Variants in NCKAP5 observed in about 807,000 individuals in gnomAD.
The protein encoded by NCKAP5 is nck-associated protein 5.
Under a neutral mutation model 167.0 loss-of-function variants are expected in NCKAP5, and 92 were observed. The ratio of observed to expected loss-of-function variants is 0.55; its 90% CI spans 0.47 to 0.66. The LOEUF is 0.66. NCKAP5 is among the 30% of genes least tolerant of loss of function. The pLI, the probability that NCKAP5 is intolerant of heterozygous loss-of-function variation, is 0.00. For missense variants in NCKAP5, 2,378 were observed against 2,315.0 expected (o/e 1.03, Z -0.56); for synonymous variants, 891 against 877.4 (o/e 1.02, Z -0.27).
intron 6 of NCKAP5, among the ~76,000 whole-genome samples, chr2:133,005,002 T>C (rs1573709305): frequency 6.6e-6 from 1 of 152,332 alleles, no homozygotes; most frequent in Non-Finnish European, 1.5e-5. Context: ...TCAGACCTTA[T>C]GGTTATCTCC....
chr2:133,207,925 A>C (rs1226604501), intron 5 of NCKAP5, among the ~76,000 whole-genome samples: 1 of 152,220 alleles, frequency 6.6e-6, no homozygotes, highest in East Asian at 1.9e-4. Context: ...TGCGCTACAC[A>C]TAGTGACTTC....
At chr2:132,684,388 G>C (rs571709299) in intron 19 of NCKAP5, among the ~76,000 whole-genome samples, 1 of 152,338 alleles carries the variant, frequency 6.6e-6, no homozygotes, top group African/African-American at 2.4e-5. Flanking sequence ...AAACCCTTCT[G>C]TCAGGCAAGA....
intron 17 of NCKAP5, among the ~76,000 whole-genome samples, chr2:132,729,966 G>T (rs1426031320): frequency 2.0e-5 from 3 of 152,106 alleles, no homozygotes; most frequent in Non-Finnish European, 4.4e-5. Flanking sequence ...TCAAAAAGGA[G>T]CTATAATCTC....
At chr2:133,552,967 A>G (rs1186566461) in intron 2 of NCKAP5, among the ~76,000 whole-genome samples, 2 of 152,166 alleles carry the variant, frequency 1.3e-5, no homozygotes, top group Non-Finnish European at 2.9e-5. Flanking sequence ...CAAGTTTTAA[A>G]AAGTTTTACT....
At chr2:133,209,862 T>C (rs2086127272) in intron 5 of NCKAP5, among the ~76,000 whole-genome samples, 1 of 152,060 alleles carries the variant, frequency 6.6e-6, no homozygotes, top group African/African-American at 2.4e-5. Flanking sequence ...AATTAAAAGC[T>C]TATTAAAAAA....
intron 17 of NCKAP5, among the ~76,000 whole-genome samples, chr2:132,731,349 A>G (rs1487074622): frequency 6.6e-6 from 1 of 152,254 alleles, no homozygotes; most frequent in Non-Finnish European, 1.5e-5. Flanking sequence ...AGAATACACC[A>G]GAACACGTAT....
chr2:133,416,136 A>G (rs1046676819), intron 3 of NCKAP5, among the ~76,000 whole-genome samples: 1 of 152,230 alleles, frequency 6.6e-6, no homozygotes, highest in African/African-American at 2.4e-5. Context: ...CTTATTATAC[A>G]TTAAACAAAT....
intron 3 of NCKAP5, among the ~76,000 whole-genome samples, chr2:133,444,723 G>T (rs2151176909): frequency 6.6e-6 from 1 of 152,246 alleles, no homozygotes; most frequent in Non-Finnish European, 1.5e-5. Flanking sequence ...TCTACTTTAT[G>T]AACTCAGCAG....
intron 4 of NCKAP5, among the ~76,000 whole-genome samples, chr2:133,284,509 C>G (rs867146720): frequency 2.1e-4 from 32 of 152,192 alleles, no homozygotes; most frequent in African/African-American, 7.2e-4. Context: ...AGACAGATGG[C>G]ACGTGGCCAT....
chr2:133,599,981 GC>G, the NCKAP5 span, among the ~76,000 whole-genome samples: 1 of 152,240 alleles, frequency 6.6e-6, no homozygotes, highest in African/African-American at 2.4e-5. Flanking sequence ...TTTCTGAAGA[GC>G]TGGGACTAGA....
Position 132,784,677 on chromosome 2 carries a change from G to A in NCKAP5, c.2134C>T (p.Leu712Phe). The stretch of plus-strand genomic sequence containing the variant: ...AAACAAGCAATTCCCTGAGGTAAAA[G>A]CTCAGTATGTTCTGCCTTGGGTCCA... ...PAGPKAEHTE[L>F]LPQGIACLQP... The change falls in exon 14 of 20, where the codon CTT becomes TTT. Residue 712 changes from leucine to phenylalanine, a missense_variant. Leu to Phe is a conservative substitution (Grantham distance 22). Around this residue, in one of 3 missense-constraint regions of NCKAP5, gnomAD observed 1,049 missense variants for 1,023.4 expected, o/e 1.02. Coordinates refer to ENST00000409261, the MANE Select transcript of NCKAP5 (RefSeq NM_207363.3). The A allele has an allele frequency of 6.2e-7, 1 of 1,613,958 alleles. No individual in the cohort carries two copies. The highest frequency in any genetic ancestry group is 8.5e-7 in the Non-Finnish European group (1 of 1,179,876).
chr2:133,320,110 A>C (rs899101318), intron 3 of NCKAP5, among the ~76,000 whole-genome samples: 3 of 152,092 alleles, frequency 2.0e-5, no homozygotes, highest in Non-Finnish European at 4.4e-5. Context: ...GAAGCAATGG[A>C]GTGTTGTGCT....
At chr2:133,431,592 G>A (rs962169215) in intron 3 of NCKAP5, 1 of 152,164 alleles carries the variant, frequency 6.6e-6, no homozygotes, top group Non-Finnish European at 1.5e-5. Context: ...GTAGCTTTAC[G>A]ATGCTTGCAC....
chr2:133,008,909 C>T (rs2078060785), intron 6 of NCKAP5, among the ~76,000 whole-genome samples: 1 of 152,196 alleles, frequency 6.6e-6, no homozygotes, highest in Admixed American at 6.5e-5. Flanking sequence ...TTTCTGCCAG[C>T]AGCTATGAGA....
In NCKAP5 at chr2:132,784,437, T is replaced by C. The variant is rs200676700; in HGVS notation, c.2374A>G (p.Met792Val). ...AGATTTTGCTTTTGATAGATGCCCA[T>C]GGGTGCCGAAGACCTGGAATTACTC... ...CQSNSRSSAPMGIYQKQNLTK... is the reference protein window; with the variant it reads ...CQSNSRSSAPVGIYQKQNLTK... Residue 792 changes from methionine (M) to valine (V), a missense_variant, in exon 14 of 20, where the codon ATG (methionine) becomes GTG (valine). Met to Val is a conservative substitution (Grantham distance 21, BLOSUM62 1). Transcript: ENST00000409261. 1.3e-4 allele frequency: 207 copies of C among 1,611,008 alleles called. 2 individuals carry two copies. In the African/African-American group the frequency reaches 2.3e-3, roughly 18 times the overall value.
At chr2:133,446,072 G>A (rs1226595897) in intron 3 of NCKAP5, among the ~76,000 whole-genome samples, 5 of 152,138 alleles carry the variant, frequency 3.3e-5, no homozygotes, top group Admixed American at 3.3e-4. Context: ...AAGAGAGGAG[G>A]TGAGAACCAA....
chr2:133,373,061 CT>C (rs1172272611), intron 3 of NCKAP5, among the ~76,000 whole-genome samples: 1 of 152,150 alleles, frequency 6.6e-6, no homozygotes, highest in Non-Finnish European at 1.5e-5. Flanking sequence ...ATATATGTAT[CT>C]TTTTTTGGAT....
intron 19 of NCKAP5, among the ~76,000 whole-genome samples, chr2:132,676,452 T>C (rs896386189): frequency 6.6e-6 from 1 of 152,034 alleles, no homozygotes; most frequent in African/African-American, 2.4e-5. Flanking sequence ...ACTATGAGTC[T>C]GGGCTCCTCA....
intron 19 of NCKAP5, among the ~76,000 whole-genome samples, chr2:132,715,164 CG>C (rs1387683586): frequency 6.6e-6 from 1 of 152,210 alleles, no homozygotes; most frequent in Non-Finnish European, 1.5e-5. Context: ...CTTCTTCCCC[CG>C]ATACCTGAAA....
Sources: allele counts gnomAD v4.1 joint callset (sites outside exome capture counted in the v4.1 genomes callset), GRCh38; gene constraint gnomAD v4.1.1; regional missense constraint gnomAD v4.1.1; transcripts MANE v1.5; gene names NCBI Gene and HGNC (gene_info 2026-07-23, HGNC 2026-07-21).